Variants in ADAM28 observed in about 807,000 individuals in gnomAD.
ADAM28 encodes ADAM metallopeptidase domain 28.
In ADAM28, 105 loss-of-function variants were observed where a neutral mutation model predicts 101.2. The observed-to-expected ratio is 1.04, with a 90% CI of 0.89 to 1.22. The LOEUF (loss-of-function observed/expected upper bound fraction) is 1.22. Ranked by LOEUF, ADAM28 falls within the 50% of genes most tolerant of loss-of-function variation. The pLI, the probability that ADAM28 is intolerant of heterozygous loss-of-function variation, is 0.00. For missense variants in ADAM28, 1,028 were observed against 945.4 expected (o/e 1.09, Z -1.15); for synonymous variants, 322 against 310.6 (o/e 1.04, Z -0.39).
intron 8 of ADAM28, among the ~76,000 whole-genome samples, chr8:24,322,828 A>T (rs1028456632): frequency 2.6e-4 from 39 of 151,992 alleles, no homozygotes; most frequent in African/African-American, 8.5e-4. Context: ...GTTTCTTAGC[A>T]GAAAGTTGCT....
intron 6 of ADAM28, among the ~76,000 whole-genome samples, chr8:24,314,752 TTTG>T (rs1309610654): frequency 6.6e-6 from 1 of 151,666 alleles, no homozygotes; most frequent in East Asian, 1.9e-4. Context: ...CCCATAATAA[TTTG>T]TTAAGAAATA....
chr8:24,341,998 A>C (rs149014971), intron 16 of ADAM28, among the ~76,000 whole-genome samples: 124 of 152,282 alleles, frequency 8.1e-4, no homozygotes, highest in African/African-American at 3.0e-3. Flanking sequence ...ATTTGGAAAT[A>C]ATTGACTCTC....
At chr8:24,336,279 T>G (rs1563312699) in intron 14 of ADAM28, among the ~76,000 whole-genome samples, 1 of 151,780 alleles carries the variant, frequency 6.6e-6, no homozygotes, top group Non-Finnish European at 1.5e-5. Flanking sequence ...TAAACAGCAA[T>G]TTGTATAGTA....
intron 14 of ADAM28, 130 bp downstream of exon 14, chr8:24,335,771 G>A (rs1813955487): frequency 2.3e-6 from 3 of 1,308,162 alleles, no homozygotes; most frequent in Admixed American, 3.7e-5. Flanking sequence ...ATCATGGAAA[G>A]GTTTTAAGAT....
At chr8:24,329,404 T>C (rs1813046611) in intron 10 of ADAM28, among the ~76,000 whole-genome samples, 1 of 152,172 alleles carries the variant, frequency 6.6e-6, no homozygotes, top group African/African-American at 2.4e-5. Flanking sequence ...TCCTGGATAA[T>C]TTATAGCTGC....
At chr8:24,322,958 T>C (rs1812076581) in intron 8 of ADAM28, among the ~76,000 whole-genome samples, 1 of 151,972 alleles carries the variant, frequency 6.6e-6, no homozygotes, top group African/African-American at 2.4e-5. Flanking sequence ...TTATCCTATA[T>C]GCATTGTGGA....
chr8:24,335,242 TA>T (rs1435964544), intron 13 of ADAM28, among the ~76,000 whole-genome samples: 1 of 152,092 alleles, frequency 6.6e-6, no homozygotes, highest in East Asian at 1.9e-4. Context: ...AAATATTGCT[TA>T]AAAACTTAGG....
Position 24,331,313 on chromosome 8 carries a change from T to G in ADAM28, c.1267T>G (p.Cys423Gly). The change falls in exon 12 of 23, where the codon TGT (cysteine) becomes GGT (glycine). Residue 423 changes from cysteine (C) to glycine (G), a missense_variant. Transcript: ENST00000265769. ...GGTGGAAATGGGAGAGGACTGTGAT[T>G]GTGGGACATCTGAGGTATGGCCAAT... ...QLVEMGEDCDCGTSEECTNIC... is the reference protein window; with the variant it reads ...QLVEMGEDCDGGTSEECTNIC... 12 of 1,607,402 alleles carry G rather than the reference T, an allele frequency of 7.5e-6. No homozygotes were observed. The highest frequency in any genetic ancestry group is 1.0e-5 in the Non-Finnish European group (12 of 1,177,156).
chr8:24,310,032 C>A (rs780404757), intron 3 of ADAM28, 62 bp downstream of exon 3: 5 of 1,472,446 alleles, frequency 3.4e-6, no homozygotes, highest in Non-Finnish European at 4.7e-6. Flanking sequence ...GGAGAGTGTG[C>A]TGAGTCTGTT....
At chr8:24,302,870 T>C (rs1474578648) in intron 2 of ADAM28, among the ~76,000 whole-genome samples, 1 of 151,148 alleles carries the variant, frequency 6.6e-6, no homozygotes, top group East Asian at 2.0e-4. Flanking sequence ...GCTACACCCA[T>C]TAACTCATCA....
At chr8:24,317,903 A>G (rs1213645060) in intron 6 of ADAM28, among the ~76,000 whole-genome samples, 1 of 152,044 alleles carries the variant, frequency 6.6e-6, no homozygotes, top group East Asian at 1.9e-4. Flanking sequence ...AGGGTACAAT[A>G]TGAGGACTGT....
chr8:24,316,236 C>T (rs1811146057), intron 6 of ADAM28, among the ~76,000 whole-genome samples: 1 of 151,856 alleles, frequency 6.6e-6, no homozygotes, highest in Non-Finnish European at 1.5e-5. Flanking sequence ...ATGCCAGTTA[C>T]ATTTCAGAGA....
chr8:24,332,433 A>AG (rs1367519661), intron 12 of ADAM28, among the ~76,000 whole-genome samples: 1 of 152,184 alleles, frequency 6.6e-6, no homozygotes, highest in African/African-American at 2.4e-5. Context: ...TTGGAGACTG[A>AG]GGAAACTAGT....
At chr8:24,346,012 A>T (rs1464398293) in intron 18 of ADAM28, among the ~76,000 whole-genome samples, 1 of 151,946 alleles carries the variant, frequency 6.6e-6, no homozygotes, top group African/African-American at 2.4e-5. Flanking sequence ...GCTATTTCTT[A>T]TCTAACCATC....
chr8:24,340,311 G>A (rs187769721), intron 15 of ADAM28, among the ~76,000 whole-genome samples: 1 of 152,198 alleles, frequency 6.6e-6, no homozygotes, highest in Admixed American at 6.5e-5. Flanking sequence ...TGAATGACAG[G>A]TATTACCAAA....
chr8:24,297,934 G>A (rs1050977293), intron 1 of ADAM28, among the ~76,000 whole-genome samples: 5 of 151,892 alleles, frequency 3.3e-5, no homozygotes, highest in African/African-American at 7.3e-5. Context: ...AATAAAAGAC[G>A]CCCAGCGATT....
rs1014303509 is a variant in ADAM28 at position 24,355,464 on chromosome 8, A to C, written c.*1060A>C. 6.7e-6 allele frequency: 1 copy of C among 150,118 alleles called. No homozygotes were observed. The highest frequency in any genetic ancestry group is 2.5e-5 in the African/African-American group (1 of 40,728). 9.3% of individuals were successfully genotyped at this position (150,118 alleles called of 1,614,324 possible). A position where few individuals can be genotyped will look rare whatever the true frequency, so the allele number is the denominator to read the frequency against. ...AAGTCAAGTCAATTAAAATAACCTC[A>C]TTTTTCCTTGCTAGTGGTCGACTTG... On this transcript the variant is annotated 3_prime_UTR_variant, in exon 23 of 23. Coordinates refer to ENST00000265769, the MANE Select transcript of ADAM28 (RefSeq NM_014265.6).
intron 22 of ADAM28, 76 bp downstream of exon 22, chr8:24,353,908 T>C: frequency 9.2e-7 from 1 of 1,090,286 alleles, no homozygotes; most frequent in East Asian, 2.5e-5. Context: ...CACCATGTCT[T>C]TTTAGAAAAA....
In ADAM28 at chr8:24,339,504, GAAGGTGGGTCA is replaced by G; in HGVS notation, c.1610_1620del (p.Gly537ValfsTer9). 1 of 1,613,548 alleles carries G rather than the reference GAAGGTGGGTCA, an allele frequency of 6.2e-7. No individual in the cohort carries two copies. Among genetic ancestry groups the G allele is most frequent in the East Asian group, 2.2e-5 (1 of 44,828 alleles). ...AGATAAGTCATGTTACAACAGGAATGAAGGTGGGTCAAAGTACGGGTACTGTCGCAGAGTGG... is the reference window on the plus strand; with the variant it reads ...AGATAAGTCATGTTACAACAGGAATGAAGTACGGGTACTGTCGCAGAGTGG... On this transcript the variant is annotated frameshift_variant, in exon 15 of 23. Coordinates refer to ENST00000265769, the MANE Select transcript of ADAM28 (RefSeq NM_014265.6). LOFTEE classifies it high-confidence loss of function.
Sources: gnomAD v4.1 joint callset for allele counts (sites outside exome capture counted in the v4.1 genomes callset) on GRCh38, gnomAD v4.1.1 for gene constraint, MANE v1.5 for transcripts, NCBI Gene and HGNC (gene_info 2026-07-23, HGNC 2026-07-21) for gene names.